Variants in LARP6 observed in about 807,000 individuals in gnomAD.
LARP6 encodes La ribonucleoprotein 6, translational regulator.
In LARP6, 18 loss-of-function variants were observed where a neutral mutation model predicts 32.8. The observed-to-expected ratio is 0.55, with a 90% CI of 0.38 to 0.81. LARP6 has a LOEUF of 0.81. Among genes scored for constraint, LARP6 ranks in the 40% least tolerant of loss-of-function variants. The pLI, the probability that LARP6 is intolerant of heterozygous loss-of-function variation, is 0.00. For missense variants in LARP6, 598 were observed against 663.1 expected, an observed-to-expected ratio of 0.90 and a Z score of 1.08; for synonymous variants, 289 against 267.2, an observed-to-expected ratio of 1.08 and a Z score of -0.80.
intron 1 of LARP6, among the ~76,000 whole-genome samples, chr15:70,838,904 C>A (rs1469557056): frequency 8.5e-6 from 1 of 117,660 alleles, no homozygotes; most frequent in Non-Finnish European, 1.8e-5. Context: ...CACTGGCTCT[C>A]AGCCTCACAA....
intron 1 of LARP6, among the ~76,000 whole-genome samples, chr15:70,845,528 T>C (rs1567022755): frequency 6.6e-6 from 1 of 152,214 alleles, no homozygotes. Context: ...ATGATCACTG[T>C]GGATGCTAAC....
At chr15:70,838,723 C>T (rs991139811) in intron 1 of LARP6, among the ~76,000 whole-genome samples, 1 of 152,062 alleles carries the variant, frequency 6.6e-6, no homozygotes, top group Admixed American at 6.6e-5. Context: ...TACTGATTAT[C>T]CGCATCATAA....
In LARP6 at chr15:70,832,183, CG is replaced by C; in HGVS notation, c.1344del (p.Gly449ValfsTer18). 1 of 1,613,922 alleles carries C rather than the reference CG, an allele frequency of 6.2e-7. No homozygotes were observed. Among genetic ancestry groups the C allele is most frequent in the Non-Finnish European group, 8.5e-7 (1 of 1,179,888 alleles). ...QAEMGTQEKS[P>X]GTSPLLSRKM... ...TTCCGGGAGAGCAGGGGACTCGTACCGGGGCTTTTCTCCTGGGTCCCCATCT... is the reference window on the plus strand; with the variant it reads ...TTCCGGGAGAGCAGGGGACTCGTACCGGGCTTTTCTCCTGGGTCCCCATCT... On this transcript the variant is annotated frameshift_variant, in exon 3 of 3. Transcript: ENST00000299213. LOFTEE classifies it high-confidence loss of function.
rs2032583183 is a variant in LARP6, at chr15:70,854,154, G to T, written c.-66C>A. On this transcript the variant is annotated 5_prime_UTR_variant, in exon 1 of 3. Transcript: ENST00000299213. Reference sequence around the variant, plus strand: ...AAGGCCCAGCCAGCCGGTCGGCAGCGACTGCGACGAGGGGGCGGGGGCGGT... The same window carrying T: ...AAGGCCCAGCCAGCCGGTCGGCAGCTACTGCGACGAGGGGGCGGGGGCGGT... 3 of 1,149,264 alleles carry T rather than the reference G, an allele frequency of 2.6e-6. No homozygotes were observed. The highest frequency in any genetic ancestry group is 4.2e-5 in the South Asian group (1 of 23,584). 71.2% of individuals were successfully genotyped at this position (1,149,264 alleles called of 1,614,324 possible). A position where few individuals can be genotyped will look rare whatever the true frequency, so the allele number is the denominator to read the frequency against.
intron 1 of LARP6, among the ~76,000 whole-genome samples, chr15:70,839,915 G>C (rs76478559): frequency 6.6e-6 from 1 of 152,234 alleles, no homozygotes; most frequent in African/African-American, 2.4e-5. Context: ...AAGGCCAAGA[G>C]AATTGGCTTG....
At chr15:70,849,253 A>T (rs1326645168) in intron 1 of LARP6, 1 of 152,366 alleles carries the variant, frequency 6.6e-6, no homozygotes, top group Non-Finnish European at 1.5e-5. Flanking sequence ...GCTACTCAGG[A>T]GGCTGAAGCA....
rs1170236774 is a variant in LARP6 at position 70,853,974 on chromosome 15, C to G, written c.115G>C (p.Glu39Gln). ...GCCGGGTCCCCGGCGCCCCGAGTCT[C>G]CGCCCCCTCCTCCTCGTCCTCCAAC... ...DELEDEEEGA[E>Q]TRGAGDPARY... is the part of the protein sequence containing the mutation. The change falls in exon 1 of 3, where the codon GAG becomes CAG. Residue 39 changes from glutamate to glutamine, a missense_variant. Transcript: ENST00000299213. The G allele has an allele frequency of 5.5e-6, 8 of 1,461,176 alleles. No homozygotes were observed. In the Admixed American group the frequency reaches 7.3e-5, roughly 13 times the overall value. The allele number at this position is 1,461,176 out of a possible 1,614,324, so 90.5% of individuals were successfully genotyped here. A position where few individuals can be genotyped will look rare whatever the true frequency, so the allele number is the denominator to read the frequency against.
Position 70,832,214 on chromosome 15 carries a change from T to C in LARP6, c.1314A>G (p.Gln438=). 1 of 1,613,800 alleles carries C rather than the reference T, an allele frequency of 6.2e-7. No individual in the cohort carries two copies. The highest frequency in any genetic ancestry group is 8.5e-7 in the Non-Finnish European group (1 of 1,179,890). The part of the protein sequence containing the change: ...SGSPWVRRRR[Q]AEMGTQEKSP... Reference sequence around the variant, plus strand: ...TTTTCTCCTGGGTCCCCATCTCGGCTTGGCGACGCCTCCGGACCCAGGGGC... The same window carrying C: ...TTTTCTCCTGGGTCCCCATCTCGGCCTGGCGACGCCTCCGGACCCAGGGGC... The change falls in exon 3 of 3, where the codon CAA becomes CAG. Residue 438 remains glutamine (Q), a synonymous_variant. Transcript: ENST00000299213.
chr15:70,831,946 A>C lies in LARP6; in HGVS notation c.*106T>G, dbSNP rs2032047764. The C allele has an allele frequency of 3.9e-6, 3 of 776,542 alleles. No homozygotes were observed. The highest frequency in any genetic ancestry group is 5.4e-5 in the Admixed American group (2 of 37,334). The allele number at this position is 776,542 out of a possible 1,614,324, so 48.1% of individuals were successfully genotyped here. A position where few individuals can be genotyped will look rare whatever the true frequency, so the allele number is the denominator to read the frequency against. On this transcript the variant is annotated 3_prime_UTR_variant, in exon 3 of 3. Coordinates refer to ENST00000299213, the MANE Select transcript of LARP6 (RefSeq NM_018357.4). Reference sequence around the variant, plus strand: ...AATTAAGAGGTCTACATGAATAAAAAATCTCTCAAAGGGGAACGAATTCCA... The same window carrying C: ...AATTAAGAGGTCTACATGAATAAAACATCTCTCAAAGGGGAACGAATTCCA...
chr15:70,853,787 C>T lies in LARP6; in HGVS notation c.200+102G>A, dbSNP rs1261236098. 3.4e-6 allele frequency: 3 copies of T among 889,152 alleles called. No individual in the cohort carries two copies. In the African/African-American group the frequency reaches 5.3e-5, roughly 16 times the overall value. The allele number at this position is 889,152 out of a possible 1,614,324, so 55.1% of individuals were successfully genotyped here. ...TCCCCGGCGGCGGGGCTGACTCAAC[C>T]CCCTCTGCCCGAGGAGTTGTCGCGC... On this transcript the variant is annotated intron_variant, in intron 1 of 2. Coordinates refer to ENST00000299213, the MANE Select transcript of LARP6 (RefSeq NM_018357.4).
At chr15:70,851,448 T>G (rs2032446990) in intron 1 of LARP6, 2 of 1,277,454 alleles carry the variant, frequency 1.6e-6, no homozygotes, top group Non-Finnish European at 1.0e-6. Flanking sequence ...GTAAAGACTT[T>G]TCTTTATTGT....
rs771278807 is a variant in LARP6 at position 70,833,143 on chromosome 15, T to G, written c.412-27A>C. Reference sequence around the variant, plus strand: ...TGCAGAACATAAAGCAAATCTGAAATAGTATCTAATGTCCTTGTCCATCCT... The same window carrying G: ...TGCAGAACATAAAGCAAATCTGAAAGAGTATCTAATGTCCTTGTCCATCCT... On this transcript the variant is annotated intron_variant, in intron 2 of 2. Coordinates refer to ENST00000299213, the MANE Select transcript of LARP6 (RefSeq NM_018357.4). The G allele has an allele frequency of 8.2e-6, 13 of 1,582,870 alleles. No individual in the cohort carries two copies. The Middle Eastern group carries it at 5.0e-4, about 61-fold the overall frequency.
chr15:70,842,462 C>T (rs369950910), intron 1 of LARP6, among the ~76,000 whole-genome samples: 1 of 152,298 alleles, frequency 6.6e-6, no homozygotes, highest in Non-Finnish European at 1.5e-5. Context: ...ATCTACCCCC[C>T]AGCCTGTCCA....
intron 2 of LARP6, 87 bp downstream of exon 2, chr15:70,836,208 T>C (rs1338411862): frequency 4.5e-6 from 5 of 1,109,900 alleles, no homozygotes; most frequent in Non-Finnish European, 6.8e-6. Flanking sequence ...CGTCATCAGG[T>C]TTCAAGGGAG....
intron 1 of LARP6, among the ~76,000 whole-genome samples, chr15:70,842,041 A>G (rs2032267981): frequency 6.6e-6 from 1 of 150,514 alleles, no homozygotes; most frequent in Admixed American, 6.6e-5. Context: ...TTCTCTCTCC[A>G]TTTCTTTTCT....
intron 1 of LARP6, among the ~76,000 whole-genome samples, chr15:70,839,217 C>T (rs113676587): frequency 0.013 from 1,918 of 152,022 alleles, 41 homozygotes; most frequent in African/African-American, 0.044. Flanking sequence ...GGTGGGCGGA[C>T]GACTTGATGT....
chr15:70,839,424 AG>A (rs1044616982), intron 1 of LARP6, among the ~76,000 whole-genome samples: 8 of 137,248 alleles, frequency 5.8e-5, no homozygotes. Flanking sequence ...TGGGTGACAG[AG>A]TGAGACTGTC....
intron 1 of LARP6, chr15:70,852,208 C>G (rs1420031323): frequency 2.3e-6 from 1 of 442,644 alleles, no homozygotes; most frequent in African/African-American, 2.0e-5. Flanking sequence ...TGCCTGCCCA[C>G]TGGGCTCTGT....
chr15:70,843,140 C>T (rs900020331), intron 1 of LARP6, among the ~76,000 whole-genome samples: 9 of 152,148 alleles, frequency 5.9e-5, no homozygotes, highest in Non-Finnish European at 1.0e-4. Flanking sequence ...CTTCTATGTA[C>T]TTAAGCTCAA....
Sources: allele counts gnomAD v4.1 joint callset (sites outside exome capture counted in the v4.1 genomes callset), GRCh38; gene constraint gnomAD v4.1.1; transcripts MANE v1.5; gene names NCBI Gene and HGNC (gene_info 2026-07-23, HGNC 2026-07-21).